ZNF678: variants seen among roughly 807,000 people sequenced by gnomAD.
ZNF678 encodes zinc finger protein 678.
ZNF678 carries 5 observed loss-of-function variants against 3.0 expected under a neutral mutation model. The observed-to-expected ratio is 1.69, with a 90% CI of 0.88 to 3.56. ZNF678 has a LOEUF of 3.56. Among genes scored for constraint, ZNF678 ranks in the 30% most tolerant of loss-of-function variants. ZNF678 has a pLI of 0.00. For synonymous variants in ZNF678, 218 were observed against 199.6 expected (o/e 1.09, Z -0.78); for missense variants, 593 against 605.0 (o/e 0.98, Z 0.21).
At chr1:227,606,608 G>T (rs1310405904) in intron 1 of ZNF678, among the ~76,000 whole-genome samples, 5 of 152,104 alleles carry the variant, frequency 3.3e-5, no homozygotes, top group Non-Finnish European at 1.5e-5. Context: ...CCCTTTACGG[G>T]TGTTGGGCTG....
In ZNF678 at chr1:227,638,985, G is replaced by T. The variant is rs1259957095; in HGVS notation, c.-163-7559G>T. On this transcript the variant is annotated intron_variant, in intron 1 of 3. Transcript: ENST00000343776. This position sits in a 1 kb window ranked among gnomAD's most constrained non-coding sequence, Gnocchi z 4.2. ...TACCACTTGGCTCGGATGAAGCGAT[G>T]GTAGTTGCCAGGGTGTCCTTTCCAG... Among the ~76,000 whole-genome samples the T allele has an allele frequency of 6.6e-6, 1 of 152,202 alleles. No homozygotes were observed. Among genetic ancestry groups the T allele is most frequent in the Non-Finnish European group, 1.5e-5 (1 of 68,042 alleles).
Position 227,611,151 on chromosome 1 carries a change from G to A in ZNF678, c.-163-35393G>A, listed in dbSNP as rs574876426. Among the ~76,000 whole-genome samples the A allele has an allele frequency of 4.6e-5, 7 of 152,288 alleles. No homozygotes were observed. In the East Asian group the frequency reaches 1.2e-3, roughly 25 times the overall value. On this transcript the variant is annotated intron_variant, in intron 1 of 3. Coordinates refer to ENST00000343776, the MANE Select transcript of ZNF678 (RefSeq NM_001367909.1). ...TATGAAGCTTCCAATGGGCTACCTC[G>A]GTAGTCCTCCACTGGCTCATGATCT...
At position 227,659,043 on chromosome 1, in the gene ZNF678, A is replaced by G. The variant is rs565061975; in HGVS notation, c.*3215A>G. Reference sequence around the variant, plus strand: ...TTTTTTATAAATTACATATAGCACAATTTATGTGTACATGTAGAATCTTTT... The same window carrying G: ...TTTTTTATAAATTACATATAGCACAGTTTATGTGTACATGTAGAATCTTTT... On this transcript the variant is annotated 3_prime_UTR_variant, in exon 4 of 4. Transcript: ENST00000343776. 6.6e-6 allele frequency: 1 copy of G among 152,100 alleles called. No individual in the cohort carries two copies. The highest frequency in any genetic ancestry group is 1.5e-5 in the Non-Finnish European group (1 of 67,980). The allele number at this position is 152,100 out of a possible 1,614,324, so 9.4% of individuals were successfully genotyped here.
At chr1:227,586,552 C>T (rs750287830) in intron 1 of ZNF678, among the ~76,000 whole-genome samples, 13 of 151,988 alleles carry the variant, frequency 8.6e-5, no homozygotes, top group Non-Finnish European at 1.6e-4. Context: ...AGCAGATAAA[C>T]GAATTGATAA....
chr1:227,615,398 A>G (rs1171864868), intron 1 of ZNF678, among the ~76,000 whole-genome samples: 2 of 152,162 alleles, frequency 1.3e-5, no homozygotes, highest in Admixed American at 1.3e-4. Flanking sequence ...AGCCATTTGG[A>G]TGGACAAGAC....
At chr1:227,601,754 G>A (rs182137094) in intron 1 of ZNF678, among the ~76,000 whole-genome samples, 390 of 152,024 alleles carry the variant, frequency 2.6e-3, no homozygotes, top group Non-Finnish European at 4.2e-3. Context: ...TAGTAGAGAC[G>A]GGGTTTCACC....
intron 1 of ZNF678, among the ~76,000 whole-genome samples, chr1:227,645,072 T>G (rs1658921433): frequency 6.6e-6 from 1 of 152,196 alleles, no homozygotes; most frequent in African/African-American, 2.4e-5. Flanking sequence ...GGGCACTTGA[T>G]AGCAGGAAAA....
At chr1:227,578,168 A>G (rs1558130360) in intron 1 of ZNF678, among the ~76,000 whole-genome samples, 1 of 151,832 alleles carries the variant, frequency 6.6e-6, no homozygotes, top group Non-Finnish European at 1.5e-5. Context: ...TGTCTTTAAC[A>G]TTTTTCCTTT....
At chr1:227,650,098 T>C (rs968074653) in intron 2 of ZNF678, among the ~76,000 whole-genome samples, 1 of 152,304 alleles carries the variant, frequency 6.6e-6, no homozygotes, top group Middle Eastern at 3.4e-3. Context: ...CACAACCATA[T>C]CAAGTAGTTT....
At chr1:227,666,153 T>C (rs1659501435), downstream of ZNF678, among the ~76,000 whole-genome samples, 1 of 152,216 alleles carries the variant, frequency 6.6e-6, no homozygotes, top group Non-Finnish European at 1.5e-5. Flanking sequence ...TCTGAAATGG[T>C]AAATGCTTCT....
chr1:227,674,557 TG>T (rs1300193568), intron 5 of ZNF678, among the ~76,000 whole-genome samples: 3 of 142,360 alleles, frequency 2.1e-5, no homozygotes. Flanking sequence ...TAAGTTTATT[TG>T]GAAAAAAAAT....
At chr1:227,642,715 T>A (rs1200126470) in intron 1 of ZNF678, among the ~76,000 whole-genome samples, 1 of 151,820 alleles carries the variant, frequency 6.6e-6, no homozygotes, top group Non-Finnish European at 1.5e-5. Flanking sequence ...GTGAGACATT[T>A]AGGGATGTCC....
At chr1:227,624,824 C>CAG (rs1212224627) in intron 1 of ZNF678, among the ~76,000 whole-genome samples, 1 of 152,196 alleles carries the variant, frequency 6.6e-6, no homozygotes, top group East Asian at 1.9e-4. Flanking sequence ...AGAAGTGCAG[C>CAG]AGACACCCTG....
chr1:227,593,863 CCCCCT>C (rs1558136340), intron 1 of ZNF678, among the ~76,000 whole-genome samples: 13 of 76,816 alleles, frequency 1.7e-4, no homozygotes, highest in African/African-American at 2.3e-4. Flanking sequence ...CATCCCCCCC[CCCCCT>C]TTTTTTTTTT....
intron 1 of ZNF678, among the ~76,000 whole-genome samples, chr1:227,579,730 T>C (rs1657078597): frequency 6.6e-6 from 1 of 152,044 alleles, no homozygotes; most frequent in Admixed American, 6.5e-5. Flanking sequence ...CAAGCAGACA[T>C]GGCCAGGCTG....
chr1:227,600,263 G>A (rs998779088), intron 1 of ZNF678, among the ~76,000 whole-genome samples: 2 of 152,164 alleles, frequency 1.3e-5, no homozygotes, highest in Non-Finnish European at 2.9e-5. Context: ...TAGTGCTGCA[G>A]TGAACATAAG....
chr1:227,603,814 C>T (rs912564642), intron 1 of ZNF678, among the ~76,000 whole-genome samples: 1 of 152,152 alleles, frequency 6.6e-6, no homozygotes, highest in Admixed American at 6.5e-5. Context: ...TCCATTAACT[C>T]CCCCAAAACT....
intron 1 of ZNF678, among the ~76,000 whole-genome samples, chr1:227,633,308 G>A (rs1403197336): frequency 6.6e-6 from 1 of 152,164 alleles, no homozygotes; most frequent in South Asian, 2.1e-4. Context: ...TGCCACTGCC[G>A]GCTCAAAATG....
chr1:227,667,146 C>T (rs998265841), downstream of ZNF678, among the ~76,000 whole-genome samples: 1 of 151,702 alleles, frequency 6.6e-6, no homozygotes, highest in African/African-American at 2.4e-5. Context: ...TGGGGTCAAG[C>T]GATCCTCCTT....
Sources: allele counts gnomAD v4.1 joint callset (sites outside exome capture counted in the v4.1 genomes callset), GRCh38; gene constraint gnomAD v4.1.1; non-coding constraint Gnocchi (gnomAD v3.1); transcripts MANE v1.5; gene names NCBI Gene and HGNC (gene_info 2026-07-23, HGNC 2026-07-21).